Variants in SOD2 observed in about 807,000 individuals in gnomAD.
The protein encoded by SOD2 is superoxide dismutase 2.
Under a neutral mutation model 27.0 loss-of-function variants are expected in SOD2, and 11 were observed. The ratio of observed to expected loss-of-function variants is 0.41; its 90% CI spans 0.26 to 0.67. The LOEUF is 0.67. Among genes scored for constraint, SOD2 ranks in the 30% least tolerant of loss-of-function variants. SOD2 has a pLI of 0.34. For synonymous variants in SOD2, 105 were observed against 103.0 expected, an observed-to-expected ratio of 1.02 and a Z score of -0.12; for missense variants, 250 against 274.5, an observed-to-expected ratio of 0.91 and a Z score of 0.63.
chr6:159,700,257 G>C (rs1201287061), intron 1 of SOD2, among the ~76,000 whole-genome samples: 1 of 152,168 alleles, frequency 6.6e-6, no homozygotes, highest in African/African-American at 2.4e-5. Context: ...CTCCACTTTA[G>C]AGAATTAATG....
exon 1 of SOD2, chr6:159,727,239 C>T: frequency 2.3e-6 from 3 of 1,281,838 alleles, no homozygotes; most frequent in Non-Finnish European, 3.0e-6. Flanking sequence ...CCCGATCGGG[C>T]TAGGCCGACG....
intron 3 of SOD2, among the ~76,000 whole-genome samples, chr6:159,686,572 G>A (rs907963071): frequency 5.3e-5 from 8 of 152,064 alleles, no homozygotes; most frequent in South Asian, 2.1e-4. Context: ...ACTTGAACCC[G>A]GGATGGGCAG....
intron 1 of SOD2, among the ~76,000 whole-genome samples, chr6:159,703,265 G>A (rs1459978468): frequency 6.6e-6 from 1 of 152,226 alleles, no homozygotes; most frequent in Non-Finnish European, 1.5e-5. Flanking sequence ...AGTGGGCCAA[G>A]ATTGCGCCAT....
At chr6:159,687,968 G>A (rs1001635247) in intron 3 of SOD2, among the ~76,000 whole-genome samples, 158 bp downstream of exon 3, 34 of 151,838 alleles carry the variant, frequency 2.2e-4, no homozygotes, top group South Asian at 1.0e-3. Context: ...CCAAGACTGC[G>A]CCACTGTACT....
In SOD2 at chr6:159,685,403, C is replaced by T. The variant is rs5746127; in HGVS notation, c.344-370G>A. 1.7e-3 allele frequency among the ~76,000 whole-genome samples: 253 copies of T among 151,728 alleles called. 1 individual carries two copies. Among genetic ancestry groups the T allele is most frequent in the African/African-American group, 5.9e-3 (245 of 41,348 alleles). On this transcript the variant is annotated intron_variant, in intron 3 of 4. Transcript: ENST00000538183. ...GATTACAGGCACGTGCCATCACGCCCGGCTAATTTTGTGTTTTTAGTAGAG... is the reference window on the plus strand; with the variant it reads ...GATTACAGGCACGTGCCATCACGCCTGGCTAATTTTGTGTTTTTAGTAGAG...
At chr6:159,712,250 C>A (rs200096086) in intron 1 of SOD2, among the ~76,000 whole-genome samples, 1,405 of 57,294 alleles carry the variant, frequency 0.025, 29 homozygotes, top group Middle Eastern at 0.066. Flanking sequence ...TCTGATCACC[C>A]TAACCACCTC....
chr6:159,735,748 CA>C (rs111751177), intron 1 of SOD2, among the ~76,000 whole-genome samples: 6,503 of 150,406 alleles, frequency 0.043, 228 homozygotes, highest in African/African-American at 0.082. Flanking sequence ...GACTGTGTCT[CA>C]AAAAAAATAA....
chr6:159,724,248 T>C (rs1188737557), intron 1 of SOD2, among the ~76,000 whole-genome samples: 1 of 152,192 alleles, frequency 6.6e-6, no homozygotes, highest in African/African-American at 2.4e-5. Flanking sequence ...CGCTTTGGCC[T>C]ATCAAAGTGC....
intron 1 of SOD2, among the ~76,000 whole-genome samples, chr6:159,698,543 G>T (rs1448834196): frequency 7.6e-6 from 1 of 131,722 alleles, no homozygotes; most frequent in Non-Finnish European, 1.5e-5. Flanking sequence ...CTGCACTCCT[G>T]CCTGGGTAAC....
chr6:159,698,615 A>G (rs530003816), intron 1 of SOD2, among the ~76,000 whole-genome samples: 11 of 84,462 alleles, frequency 1.3e-4, no homozygotes, highest in Non-Finnish European at 2.9e-4. Context: ...AAACATTTAG[A>G]AAAAAAAAAA....
chr6:159,740,704 CTTTCTTTTTTT>C (rs1162052315), intron 1 of SOD2, among the ~76,000 whole-genome samples: 3 of 138,310 alleles, frequency 2.2e-5, no homozygotes, highest in Non-Finnish European at 4.7e-5. Context: ...TTTCTTTTTT[CTTTCTTTTTTT>C]TTTTTTTAAG....
intron 1 of SOD2, among the ~76,000 whole-genome samples, chr6:159,715,780 G>T (rs1340599054): frequency 6.6e-6 from 1 of 151,774 alleles, no homozygotes; most frequent in Non-Finnish European, 1.5e-5. Context: ...CACACCTGTA[G>T]TCCCAGCTAC....
chr6:159,735,152 T>C (rs181440170), intron 1 of SOD2, among the ~76,000 whole-genome samples: 64 of 152,300 alleles, frequency 4.2e-4, no homozygotes, highest in Non-Finnish European at 1.0e-4. Flanking sequence ...TTTTGTTGTT[T>C]GTTTGTTTGA....
chr6:159,729,359 T>A (rs1050279412), upstream of SOD2, among the ~76,000 whole-genome samples: 1 of 152,238 alleles, frequency 6.6e-6, no homozygotes, highest in Non-Finnish European at 1.5e-5. Flanking sequence ...ATATTTTGCT[T>A]CTTGTAGTTA....
At chr6:159,713,842 T>C in intron 1 of SOD2, 1 of 1,098,788 alleles carries the variant, frequency 9.1e-7, no homozygotes, top group Non-Finnish European at 1.4e-6. Flanking sequence ...TTGGTCTGCC[T>C]TCTCCGGTGT....
chr6:159,685,763 G>C (rs1035976515), intron 3 of SOD2, among the ~76,000 whole-genome samples: 4 of 151,754 alleles, frequency 2.6e-5, no homozygotes, highest in African/African-American at 9.7e-5. Flanking sequence ...GCTTCCACTT[G>C]CAAGTGAGAC....
intron 1 of SOD2, chr6:159,736,190 T>C: frequency 1.4e-6 from 2 of 1,461,092 alleles, no homozygotes; most frequent in Non-Finnish European, 1.9e-6. Flanking sequence ...AAAGAGTCAG[T>C]ATTTTTTATT....
At chr6:159,700,319 T>C (rs1014450089) in intron 1 of SOD2, among the ~76,000 whole-genome samples, 21 of 152,134 alleles carry the variant, frequency 1.4e-4, no homozygotes, top group Admixed American at 1.2e-3. Context: ...CTCCAGTAAT[T>C]TTCTGGTTCT....
At chr6:159,728,430 C>CA (rs57022984), upstream of SOD2, among the ~76,000 whole-genome samples, 33,186 of 151,784 alleles carry the variant, frequency 0.22, 3,801 homozygotes, top group East Asian at 0.4. Context: ...CAAAACAAAA[C>CA]AAAAAAACTA....
Sources: allele counts gnomAD v4.1 joint callset (sites outside exome capture counted in the v4.1 genomes callset), GRCh38; gene constraint gnomAD v4.1.1; transcripts MANE v1.5; gene names NCBI Gene and HGNC (gene_info 2026-07-23, HGNC 2026-07-21).